The following DAB1 variants were observed in gnomAD, a reference collection of about 807,000 sequenced individuals.
DAB1 encodes disabled homolog 1.
Under a neutral mutation model 64.6 loss-of-function variants are expected in DAB1, and 15 were observed. The observed-to-expected ratio is 0.23, with a 90% confidence interval of 0.16 to 0.36. The LOEUF (loss-of-function observed/expected upper bound fraction) is 0.36, where lower values mean the gene tolerates loss of function less well. Among genes scored for constraint, DAB1 ranks in the 10% least tolerant of loss-of-function variants. The pLI is 1.00. For missense variants in DAB1, 596 were observed against 706.7 expected, an observed-to-expected ratio of 0.84 and a Z score of 1.78; for synonymous variants, 235 against 251.9, an observed-to-expected ratio of 0.93 and a Z score of 0.64.
chr1:57,835,301 T>G (rs185809436), intron 1 of DAB1, among the ~76,000 whole-genome samples: 12 of 152,280 alleles, frequency 7.9e-5, no homozygotes, highest in African/African-American at 2.9e-4. Flanking sequence ...GTCTAGGGCT[T>G]TATAATCAGC....
chr1:57,323,232 G>T (rs1319193254), intron 1 of DAB1, among the ~76,000 whole-genome samples: 2 of 152,070 alleles, frequency 1.3e-5, no homozygotes, highest in Admixed American at 1.3e-4. Flanking sequence ...ACAAGTAAAT[G>T]GCAAGATAAA....
intron 7 of DAB1, among the ~76,000 whole-genome samples, chr1:57,478,478 T>A (rs927702705): frequency 6.6e-6 from 1 of 152,008 alleles, no homozygotes; most frequent in Admixed American, 6.6e-5. Flanking sequence ...TTAAAGAAAC[T>A]AACATTTTAA....
intron 4 of DAB1, among the ~76,000 whole-genome samples, chr1:58,252,115 G>T (rs1660816167): frequency 6.6e-6 from 1 of 152,308 alleles, no homozygotes; most frequent in African/African-American, 2.4e-5. Context: ...TGACAAGGAA[G>T]GCACCTAAGG....
chr1:58,481,298 G>T (rs149501129), intron 3 of DAB1: 3 of 411,844 alleles, frequency 7.3e-6, no homozygotes, highest in Admixed American at 4.2e-5. Context: ...TTAATAAAAG[G>T]TATCTTGATT....
chr1:57,374,900 T>C (rs1242926148), intron 1 of DAB1, among the ~76,000 whole-genome samples: 2 of 152,188 alleles, frequency 1.3e-5, no homozygotes, highest in African/African-American at 4.8e-5. Context: ...GCAGGAAGGC[T>C]GAAAGTCCCT....
chr1:57,419,150 A>G (rs1684711938), intron 1 of DAB1, among the ~76,000 whole-genome samples: 1 of 152,136 alleles, frequency 6.6e-6, no homozygotes, highest in African/African-American at 2.4e-5. Flanking sequence ...TAGCCTGACA[A>G]CACCTCCTCT....
intron 5 of DAB1, among the ~76,000 whole-genome samples, chr1:58,118,611 T>TATATATATAAAATATATATATATATATAC (rs1557658060): frequency 2.3e-5 from 1 of 43,880 alleles, no homozygotes; most frequent in African/African-American, 1.5e-4. Context: ...TATATATACA[T>TATATATATAAAATATATATATATATATAC]ATATATATAT....
At chr1:57,372,795 C>A (rs575937715) in intron 1 of DAB1, among the ~76,000 whole-genome samples, 2 of 152,014 alleles carry the variant, frequency 1.3e-5, no homozygotes, top group South Asian at 2.1e-4. Flanking sequence ...ATACACATGG[C>A]CTTTAAGATG....
intron 7 of DAB1, among the ~76,000 whole-genome samples, chr1:57,481,988 G>C (rs985551461): frequency 1.3e-5 from 2 of 151,904 alleles, no homozygotes; most frequent in African/African-American, 4.8e-5. Flanking sequence ...TCATTTTTAG[G>C]ATACATTTGT....
chr1:57,286,403 T>A (rs754070404), intron 2 of DAB1, among the ~76,000 whole-genome samples: 4 of 152,106 alleles, frequency 2.6e-5, no homozygotes, highest in Non-Finnish European at 4.4e-5. Context: ...GGTAATAATA[T>A]AGGAAACACA....
chr1:58,174,721 T>C (rs1283434631), intron 4 of DAB1, among the ~76,000 whole-genome samples: 4 of 152,106 alleles, frequency 2.6e-5, no homozygotes, highest in Admixed American at 2.6e-4. Context: ...GATTGTAATG[T>C]ACCAATCAGT....
At chr1:57,057,802 G>A (rs566408177) in intron 9 of DAB1, among the ~76,000 whole-genome samples, 3 of 151,908 alleles carry the variant, frequency 2.0e-5, no homozygotes, top group Non-Finnish European at 2.9e-5. Flanking sequence ...TAGAGACGGG[G>A]TTTCACTGTA....
At chr1:58,228,513 G>A (rs887045018) in intron 4 of DAB1, among the ~76,000 whole-genome samples, 1 of 152,078 alleles carries the variant, frequency 6.6e-6, no homozygotes. Context: ...GGAAAAAAGA[G>A]CAAGTGTATG....
chr1:58,073,808 C>T (rs777295576), intron 5 of DAB1, among the ~76,000 whole-genome samples: 57 of 152,072 alleles, frequency 3.7e-4, no homozygotes, highest in Non-Finnish European at 5.9e-4. Flanking sequence ...CCAGTGTGTG[C>T]AATTAACTTA....
chr1:57,693,113 A>G (rs1444975541), intron 6 of DAB1, among the ~76,000 whole-genome samples: 1 of 152,102 alleles, frequency 6.6e-6, no homozygotes, highest in Non-Finnish European at 1.5e-5. Flanking sequence ...AACAACTTCT[A>G]CCGAGGGCCC....
intron 6 of DAB1, among the ~76,000 whole-genome samples, chr1:57,795,113 A>C (rs949657366): frequency 6.6e-6 from 1 of 152,244 alleles, no homozygotes; most frequent in African/African-American, 2.4e-5. Context: ...GGCAGTGTTA[A>C]CATGTGCTTT....
intron 4 of DAB1, among the ~76,000 whole-genome samples, chr1:58,177,420 G>C (rs558795653): frequency 6.6e-6 from 1 of 152,106 alleles, no homozygotes; most frequent in Non-Finnish European, 1.5e-5. Flanking sequence ...CAAAATTAAG[G>C]CTCAGATGAA....
chr1:58,203,002 C>T (rs1038128457), intron 4 of DAB1, among the ~76,000 whole-genome samples: 1 of 152,152 alleles, frequency 6.6e-6, no homozygotes, highest in African/African-American at 2.4e-5. Flanking sequence ...TGGAGAAATA[C>T]TTTTAGAGCA....
chr1:57,013,191 A>G (rs1646317646), intron 12 of DAB1, among the ~76,000 whole-genome samples: 1 of 152,224 alleles, frequency 6.6e-6, no homozygotes, highest in Non-Finnish European at 1.5e-5. Flanking sequence ...CTAAAACATA[A>G]CAGTAGCTAA....
Sources: allele counts gnomAD v4.1 joint callset (sites outside exome capture counted in the v4.1 genomes callset), GRCh38; gene constraint gnomAD v4.1.1; transcripts MANE v1.5; gene names NCBI Gene and HGNC (gene_info 2026-07-23, HGNC 2026-07-21).